The following TECTB variants were observed in gnomAD, a reference collection of about 807,000 sequenced individuals.
TECTB encodes the protein beta-tectorin.
A neutral mutation model predicts 43.3 loss-of-function variants in TECTB; 45 were observed. The observed-to-expected ratio is 1.04, with a 90% CI of 0.82 to 1.33. The LOEUF is 1.33. Among genes scored for constraint, TECTB ranks in the 40% most tolerant of loss-of-function variants. TECTB has a pLI of 0.00. For missense variants in TECTB, 399 were observed against 404.7 expected, an observed-to-expected ratio of 0.99 and a Z score of 0.12; for synonymous variants, 169 against 156.7, an observed-to-expected ratio of 1.08 and a Z score of -0.59.
intron 9 of TECTB, 111 bp from the exon 10 acceptor site, chr10:112,301,990 T>C (rs1589643846): frequency 7.7e-7 from 1 of 1,306,776 alleles, no homozygotes. Flanking sequence ...GGATTACAAG[T>C]GTGAGCCGCA....
intron 5 of TECTB, 99 bp from the exon 6 acceptor site, chr10:112,293,639 T>C: frequency 1.9e-6 from 2 of 1,034,764 alleles, no homozygotes; most frequent in South Asian, 2.7e-5. Context: ...GTCTTTGGGT[T>C]GATTCTCATC....
At chr10:112,290,552 A>G (rs556431324) in intron 5 of TECTB, among the ~76,000 whole-genome samples, 3 of 152,276 alleles carry the variant, frequency 2.0e-5, no homozygotes, top group Admixed American at 6.5e-5. Context: ...TATTATTCCA[A>G]TATTCTAACA....
Position 112,284,623 on chromosome 10 carries a change from C to T in TECTB, c.165C>T (p.Leu55=), listed in dbSNP as rs150021078. The T allele has an allele frequency of 3.0e-4, 486 of 1,613,754 alleles. No homozygotes were observed. The African/African-American group carries it at 3.7e-3, about 12-fold the overall frequency. The change falls in exon 3 of 11, where the codon CTC becomes CTT. Residue 55 remains leucine (L), a synonymous_variant. Transcript: ENST00000646139. ...GATGGGAAGTTCATCAGCTGGCCCT[C>T]GGAGGGCTGTGTTACAATGGGGTCC... ...PYGWEVHQLA[L]GGLCYNGVHE...
chr10:112,296,245 T>G (rs1206821906), intron 7 of TECTB, among the ~76,000 whole-genome samples: 1 of 152,090 alleles, frequency 6.6e-6, no homozygotes, highest in Non-Finnish European at 1.5e-5. Flanking sequence ...TACACATGGA[T>G]GCCCCAAAAG....
At chr10:112,288,087 G>T (rs867918739) in intron 5 of TECTB, among the ~76,000 whole-genome samples, 12 of 152,144 alleles carry the variant, frequency 7.9e-5, no homozygotes, top group African/African-American at 2.4e-4. Flanking sequence ...TGGCTTCTGC[G>T]CACTGACAAC....
chr10:112,293,945 T>C (rs757684848), intron 6 of TECTB, 33 bp from the exon 7 acceptor site: 1 of 1,612,324 alleles, frequency 6.2e-7, no homozygotes, highest in Non-Finnish European at 8.5e-7. Flanking sequence ...AGATTCTCTG[T>C]TTCAAAGTGA....
intron 7 of TECTB, among the ~76,000 whole-genome samples, chr10:112,297,056 G>A (rs1342314768): frequency 6.6e-6 from 1 of 152,128 alleles, no homozygotes; most frequent in Admixed American, 6.5e-5. Flanking sequence ...CCAACACCTA[G>A]TTAAAGGAAC....
rs1021861297 is a variant in TECTB at position 112,284,522 on chromosome 10, G to A, written c.77-13G>A. The stretch of plus-strand genomic sequence containing the variant: ...CCCTAACTGATTTTAAACTATATGT[G>A]TGCTCTTTCCAGATGTCATTCTTGT... On this transcript the variant is annotated splice_polypyrimidine_tract_variant and intron_variant, in intron 2 of 10. Transcript: ENST00000646139. 25 of 1,592,620 alleles carry A rather than the reference G, an allele frequency of 1.6e-5. No individual in the cohort carries two copies. The African/African-American group carries it at 1.6e-4, about 10-fold the overall frequency.
intron 3 of TECTB, 75 bp downstream of exon 3, chr10:112,284,800 G>T: frequency 7.8e-7 from 1 of 1,280,670 alleles, no homozygotes; most frequent in Non-Finnish European, 1.0e-6. Flanking sequence ...TCTGCCATCT[G>T]TCCTTGAAAG....
intron 7 of TECTB, among the ~76,000 whole-genome samples, chr10:112,297,829 TTATAAGTCAC>T (rs1383017107): frequency 6.6e-6 from 1 of 152,188 alleles, no homozygotes; most frequent in African/African-American, 2.4e-5. Context: ...AGTGTGACTC[TTATAAGTCAC>T]TCCCCTCCCA....
At chr10:112,299,914 G>A (rs931107380) in intron 9 of TECTB, among the ~76,000 whole-genome samples, 1 of 151,818 alleles carries the variant, frequency 6.6e-6, no homozygotes, top group African/African-American at 2.4e-5. Flanking sequence ...TGTAATCCCA[G>A]CACTTTGGGA....
chr10:112,285,004 G>A (rs953355646), intron 3 of TECTB, among the ~76,000 whole-genome samples: 1 of 152,218 alleles, frequency 6.6e-6, no homozygotes, highest in African/African-American at 2.4e-5. Flanking sequence ...CCACCTTCAA[G>A]TTCTGAGCCT....
At chr10:112,293,356 G>A (rs1157377307) in intron 5 of TECTB, among the ~76,000 whole-genome samples, 10 of 152,232 alleles carry the variant, frequency 6.6e-5, no homozygotes, top group Admixed American at 6.5e-4. Flanking sequence ...GTAGCAACGA[G>A]TGAGGGCAGA....
At chr10:112,288,399 GGACA>G (rs1039772490) in intron 5 of TECTB, among the ~76,000 whole-genome samples, 58 of 152,174 alleles carry the variant, frequency 3.8e-4, no homozygotes, top group African/African-American at 1.3e-3. Context: ...CCTCTGGGCT[GGACA>G]GACAGATAAC....
At chr10:112,296,807 TG>T (rs1848550359) in intron 7 of TECTB, among the ~76,000 whole-genome samples, 1 of 152,168 alleles carries the variant, frequency 6.6e-6, no homozygotes, top group Non-Finnish European at 1.5e-5. Context: ...GAAGGTTCCC[TG>T]GGGTAACTGG....
intron 5 of TECTB, among the ~76,000 whole-genome samples, chr10:112,286,883 C>T (rs1223499536): frequency 6.6e-6 from 1 of 152,176 alleles, no homozygotes; most frequent in Admixed American, 6.5e-5. Flanking sequence ...GATCACACCA[C>T]TGCACTCCAG....
At chr10:112,302,078 C>T (rs1188241081) in intron 9 of TECTB, 23 bp from the exon 10 acceptor site, 1 of 1,612,722 alleles carries the variant, frequency 6.2e-7, no homozygotes, top group African/African-American at 1.3e-5. Flanking sequence ...AAACTTTCTG[C>T]ATTCTCTCTT....
chr10:112,300,435 GGCCT>G (rs1242326283), intron 9 of TECTB, among the ~76,000 whole-genome samples: 1 of 152,134 alleles, frequency 6.6e-6, no homozygotes, highest in Non-Finnish European at 1.5e-5. Context: ...AGCACTGCCT[GGCCT>G]GGCAGGGCAC....
intron 5 of TECTB, 81 bp from the exon 6 acceptor site, chr10:112,293,657 C>A: frequency 8.0e-7 from 1 of 1,248,168 alleles, no homozygotes. Context: ...ATCCCCACCC[C>A]ATCCCAATTC....
Sources: allele counts gnomAD v4.1 joint callset (sites outside exome capture counted in the v4.1 genomes callset), GRCh38; gene constraint gnomAD v4.1.1; transcripts MANE v1.5; gene names NCBI Gene and HGNC (gene_info 2026-07-23, HGNC 2026-07-21).